NKAIN2: variants seen among roughly 807,000 people sequenced by gnomAD.
The protein encoded by NKAIN2 is sodium/potassium transporting ATPase interacting 2, also known as sodium/potassium-transporting ATPase subunit beta-1-interacting protein 2.
Under a neutral mutation model 32.6 loss-of-function variants are expected in NKAIN2, and 14 were observed. That is an observed-to-expected ratio of 0.43 (90% CI 0.28 to 0.67). NKAIN2 has a LOEUF of 0.67. Ranked by LOEUF, NKAIN2 falls within the 30% of genes least tolerant of loss-of-function variation. NKAIN2 has a pLI of 0.17. For synonymous variants in NKAIN2, 80 were observed against 87.2 expected (o/e 0.92, Z 0.46); for missense variants, 198 against 258.3 (o/e 0.77, Z 1.60).
chr6:124,403,195 T>A (rs982500589), intron 3 of NKAIN2, among the ~76,000 whole-genome samples: 31 of 151,990 alleles, frequency 2.0e-4, no homozygotes, highest in Non-Finnish European at 3.8e-4. Flanking sequence ...CGTTTTATAG[T>A]CTAAACATCT....
chr6:123,843,312 A>G (rs1278224392), intron 1 of NKAIN2, among the ~76,000 whole-genome samples: 2 of 152,148 alleles, frequency 1.3e-5, no homozygotes, highest in South Asian at 4.1e-4. Flanking sequence ...GTGACTCTTA[A>G]TAGGATGGGG....
chr6:123,963,869 A>T (rs1046376795), intron 1 of NKAIN2, among the ~76,000 whole-genome samples: 3 of 152,196 alleles, frequency 2.0e-5, no homozygotes, highest in Non-Finnish European at 4.4e-5. Flanking sequence ...TTATAATATT[A>T]TGTGTGGTCG....
intron 3 of NKAIN2, among the ~76,000 whole-genome samples, chr6:124,640,195 CA>C (rs765862990): frequency 3.9e-5 from 6 of 151,932 alleles, no homozygotes; most frequent in African/African-American, 1.2e-4. Flanking sequence ...ATGACAGTAC[CA>C]GGGGTGGGTT....
chr6:124,662,206 G>A (rs560960628), intron 4 of NKAIN2, among the ~76,000 whole-genome samples: 1 of 152,274 alleles, frequency 6.6e-6, no homozygotes, highest in South Asian at 2.1e-4. Context: ...AGAGGGATGT[G>A]CCTCACATTT....
chr6:124,505,706 G>T (rs1778449392), intron 3 of NKAIN2, among the ~76,000 whole-genome samples: 1 of 152,044 alleles, frequency 6.6e-6, no homozygotes, highest in African/African-American at 2.4e-5. Flanking sequence ...ATAAGTTTGG[G>T]TCCTCTTTTC....
intron 3 of NKAIN2, among the ~76,000 whole-genome samples, chr6:124,556,155 A>G (rs1448154353): frequency 6.7e-6 from 1 of 150,352 alleles, no homozygotes; most frequent in Non-Finnish European, 1.5e-5. Flanking sequence ...AACTCAGCCT[A>G]CTTTTATCCT....
At chr6:124,302,079 G>A (rs1796313272) in intron 2 of NKAIN2, among the ~76,000 whole-genome samples, 1 of 152,074 alleles carries the variant, frequency 6.6e-6, no homozygotes, top group Non-Finnish European at 1.5e-5. Context: ...GAATCATGGG[G>A]GCCACTTCCC....
chr6:124,163,921 A>G (rs1182462138), intron 1 of NKAIN2, among the ~76,000 whole-genome samples: 1 of 152,062 alleles, frequency 6.6e-6, no homozygotes, highest in African/African-American at 2.4e-5. Flanking sequence ...ACTTGCAGAA[A>G]GACGAATAGA....
intron 1 of NKAIN2, among the ~76,000 whole-genome samples, chr6:124,094,432 A>G (rs907635099): frequency 2.0e-5 from 3 of 152,186 alleles, no homozygotes; most frequent in Admixed American, 1.3e-4. Flanking sequence ...CTCCTCAGAA[A>G]TTGTGTCTTT....
chr6:124,748,003 A>G (rs1337536661), intron 4 of NKAIN2, among the ~76,000 whole-genome samples: 5 of 152,052 alleles, frequency 3.3e-5, no homozygotes, highest in African/African-American at 1.2e-4. Flanking sequence ...ATATAATAAA[A>G]ACAAATTATC....
chr6:124,070,667 A>G (rs1783415901), intron 1 of NKAIN2, among the ~76,000 whole-genome samples: 1 of 152,116 alleles, frequency 6.6e-6, no homozygotes. Context: ...CTAAGTTCAA[A>G]CGCCTTTGAA....
intron 3 of NKAIN2, among the ~76,000 whole-genome samples, chr6:124,520,666 T>C (rs1779086876): frequency 6.6e-6 from 1 of 152,350 alleles, no homozygotes; most frequent in South Asian, 2.1e-4. Context: ...TTTTAGGCTC[T>C]GGCACTAGTT....
intron 1 of NKAIN2, among the ~76,000 whole-genome samples, chr6:124,049,976 C>A (rs1782329562): frequency 6.6e-6 from 1 of 151,812 alleles, no homozygotes; most frequent in Non-Finnish European, 1.5e-5. Context: ...AAAACATATG[C>A]CGAGTTTTCT....
intron 5 of NKAIN2, among the ~76,000 whole-genome samples, chr6:124,803,222 A>G (rs887351041): frequency 8.5e-5 from 13 of 152,122 alleles, no homozygotes; most frequent in African/African-American, 2.9e-4. Context: ...TAGAAACTTG[A>G]TTTTCCCTCA....
chr6:124,206,511 G>A (rs910470781), intron 1 of NKAIN2, among the ~76,000 whole-genome samples: 4 of 151,702 alleles, frequency 2.6e-5, no homozygotes, highest in African/African-American at 9.7e-5. Context: ...TGTGTTTTGG[G>A]CTTCCAATGA....
At chr6:124,647,247 C>G (rs1162624713) in intron 3 of NKAIN2, among the ~76,000 whole-genome samples, 1 of 151,632 alleles carries the variant, frequency 6.6e-6, no homozygotes, top group African/African-American at 2.4e-5. Flanking sequence ...ATAAAATATT[C>G]TATTAAAAAT....
At chr6:124,409,872 C>A (rs980364443) in intron 3 of NKAIN2, among the ~76,000 whole-genome samples, 5 of 152,120 alleles carry the variant, frequency 3.3e-5, no homozygotes, top group Non-Finnish European at 5.9e-5. Flanking sequence ...AATTTCAGAG[C>A]CTGTTACTGG....
chr6:124,508,640 G>A (rs903728271), intron 3 of NKAIN2, among the ~76,000 whole-genome samples: 1 of 152,096 alleles, frequency 6.6e-6, no homozygotes, highest in Non-Finnish European at 1.5e-5. Context: ...ACCACGCCTG[G>A]CCATGAGCTT....
intron 1 of NKAIN2, among the ~76,000 whole-genome samples, chr6:123,871,192 G>A (rs186351445): frequency 9.2e-5 from 14 of 152,200 alleles, no homozygotes; most frequent in Non-Finnish European, 1.8e-4. Context: ...GTCATGTTGT[G>A]ACTATAAAGT....
Sources: gnomAD v4.1 joint callset for allele counts (sites outside exome capture counted in the v4.1 genomes callset) on GRCh38, gnomAD v4.1.1 for gene constraint, MANE v1.5 for transcripts, NCBI Gene and HGNC (gene_info 2026-07-23, HGNC 2026-07-21) for gene names.